NBN: variants seen among roughly 807,000 people sequenced by gnomAD.
NBN encodes Nijmegen breakage syndrome 1 (nibrin).
Under a neutral mutation model 90.8 loss-of-function variants are expected in NBN, and 88 were observed. The observed-to-expected ratio is 0.97, with a 90% CI of 0.82 to 1.16. NBN has a LOEUF of 1.16. Ranked by LOEUF, NBN falls within the 50% of genes most tolerant of loss-of-function variation. The pLI, the probability that NBN is intolerant of heterozygous loss-of-function variation, is 0.00. For missense variants in NBN, 894 were observed against 869.6 expected, an observed-to-expected ratio of 1.03 and a Z score of -0.35; for synonymous variants, 328 against 295.1, an observed-to-expected ratio of 1.11 and a Z score of -1.14.
chr8:89,954,998 C>A (rs1005939033), intron 10 of NBN, among the ~76,000 whole-genome samples: 1 of 151,998 alleles, frequency 6.6e-6, no homozygotes, highest in Non-Finnish European at 1.5e-5. Context: ...GGAAAACCAG[C>A]AGAAATGTGA....
intron 14 of NBN, among the ~76,000 whole-genome samples, chr8:89,941,509 G>C (rs1048774739): frequency 2.6e-5 from 4 of 152,128 alleles, no homozygotes; most frequent in Non-Finnish European, 1.5e-5. Context: ...CTTAATATTA[G>C]ACAGATCTCA....
chr8:89,971,345 A>C, intron 5 of NBN, 55 bp from the exon 6 acceptor site: 2 of 1,543,810 alleles, frequency 1.3e-6, no homozygotes, highest in Admixed American at 3.4e-5. Flanking sequence ...TTGCTATTAA[A>C]TTGTAAACGG....
At chr8:89,939,863 T>C (rs755550562) in intron 14 of NBN, among the ~76,000 whole-genome samples, 21 of 152,144 alleles carry the variant, frequency 1.4e-4, no homozygotes, top group Non-Finnish European at 2.9e-4. Context: ...GGTTATTCTC[T>C]TTTATATAGG....
intron 8 of NBN, among the ~76,000 whole-genome samples, chr8:89,961,009 G>C (rs1409370270): frequency 6.6e-6 from 1 of 152,122 alleles, no homozygotes; most frequent in Admixed American, 6.6e-5. Context: ...TACATACAGT[G>C]TACTTTTTAA....
In NBN at chr8:89,955,404, T is replaced by C. The variant is rs1810659594; in HGVS notation, c.1276A>G (p.Ile426Val). 2 of 1,613,896 alleles carry C rather than the reference T, an allele frequency of 1.2e-6. No homozygotes were observed. Among genetic ancestry groups the C allele is most frequent in the Non-Finnish European group, 1.7e-6 (2 of 1,179,824 alleles). The stretch of plus-strand genomic sequence containing the variant: ...GTTGGTGAAAGCTGATAGTTTGGGA[T>C]TCTCATCTTAGCCAAAGTATTTGAT... ...MVSNTLAKMR[I>V]PNYQLSPTKL... Residue 426 changes from isoleucine (I) to valine (V), a missense_variant, in exon 10 of 16, where the codon ATC (isoleucine) becomes GTC (valine). By Grantham distance (29) the Ile-to-Val change is conservative. Coordinates refer to ENST00000265433, the MANE Select transcript of NBN (RefSeq NM_002485.5).
chr8:89,966,465 A>C (rs948337347), intron 7 of NBN, among the ~76,000 whole-genome samples: 1 of 152,224 alleles, frequency 6.6e-6, no homozygotes, highest in African/African-American at 2.4e-5. Flanking sequence ...ATATCAGAGA[A>C]TATGTACTAG....
chr8:89,980,944 T>C (rs1390326004), intron 3 of NBN, 51 bp from the exon 4 acceptor site: 10 of 1,541,682 alleles, frequency 6.5e-6, no homozygotes, highest in Non-Finnish European at 8.9e-6. Context: ...GTTGCAGAGA[T>C]GGCAATTTTT....
intron 5 of NBN, among the ~76,000 whole-genome samples, chr8:89,976,149 A>AC (rs1586096965): frequency 6.6e-6 from 1 of 152,036 alleles, no homozygotes; most frequent in East Asian, 1.9e-4. Context: ...CTGCCACCAC[A>AC]CCCAGCTAAT....
At chr8:89,936,430 A>G (rs1266891503) in intron 15 of NBN, among the ~76,000 whole-genome samples, 1 of 152,156 alleles carries the variant, frequency 6.6e-6, no homozygotes, top group African/African-American at 2.4e-5. Flanking sequence ...TTGGCTGCAA[A>G]ACAGACTCAA....
At chr8:89,949,569 A>T (rs1232710796) in intron 11 of NBN, among the ~76,000 whole-genome samples, 1 of 152,216 alleles carries the variant, frequency 6.6e-6, no homozygotes, top group African/African-American at 2.4e-5. Context: ...ACTCAGGCAC[A>T]GCTATCATTC....
chr8:89,965,256 GGTATATCTATACAT>G (rs1393759138), intron 7 of NBN, among the ~76,000 whole-genome samples: 2 of 152,028 alleles, frequency 1.3e-5, no homozygotes, highest in Non-Finnish European at 2.9e-5. Context: ...CTATACCTAA[GGTATATCTATACAT>G]GTGTTACAAC....
At chr8:89,938,714 T>G (rs1481446803) in intron 14 of NBN, among the ~76,000 whole-genome samples, 1 of 152,178 alleles carries the variant, frequency 6.6e-6, no homozygotes. Context: ...AAGAGTGACT[T>G]GCAGGGATTC....
At chr8:89,963,575 A>T (rs992756460) in intron 8 of NBN, among the ~76,000 whole-genome samples, 2 of 152,210 alleles carry the variant, frequency 1.3e-5, no homozygotes, top group African/African-American at 2.4e-5. Context: ...AAATTTTTTT[A>T]AAAACTATGG....
intron 11 of NBN, among the ~76,000 whole-genome samples, chr8:89,951,476 C>T (rs1161374112): frequency 6.6e-6 from 1 of 152,118 alleles, no homozygotes; most frequent in Non-Finnish European, 1.5e-5. Context: ...TAAACACTTA[C>T]ATGTAATATT....
At position 89,982,853 on chromosome 8, in the gene NBN, C is replaced by T. The variant is rs745439506; in HGVS notation, c.40G>A (p.Glu14Lys). 1 of 1,613,174 alleles carries T rather than the reference C, an allele frequency of 6.2e-7. No individual in the cohort carries two copies. The highest frequency in any genetic ancestry group is 2.2e-5 in the East Asian group (1 of 44,838). ...ACGCCAGTCAAAAGTCTGTATGGTT[C>T]TCCTGAGATAAATTTTTTTTTAAAA... ...LLPAAGPAGG[E>K]PYRLLTGVEY... The change falls in exon 2 of 16, where the codon GAA (glutamate) becomes AAA (lysine). Residue 14 changes from glutamate (E) to lysine (K), a missense_variant and splice_region_variant. Glu to Lys is a moderately conservative substitution (Grantham distance 56). Transcript: ENST00000265433.
chr8:89,968,026 G>A (rs1233811226), intron 7 of NBN, among the ~76,000 whole-genome samples: 1 of 152,210 alleles, frequency 6.6e-6, no homozygotes, highest in Non-Finnish European at 1.5e-5. Context: ...GGGAGGCTGA[G>A]GCAGGCAGAT....
intron 3 of NBN, 141 bp downstream of exon 3, chr8:89,981,234 C>G: frequency 1.1e-6 from 1 of 896,670 alleles, no homozygotes; most frequent in Non-Finnish European, 1.7e-6. Context: ...GCACTCACCA[C>G]CCATGGCACA....
intron 2 of NBN, among the ~76,000 whole-genome samples, chr8:89,982,208 ATAAG>A (rs1476516156): frequency 6.6e-6 from 1 of 152,180 alleles, no homozygotes; most frequent in African/African-American, 2.4e-5. Flanking sequence ...GCTGTGGGGC[ATAAG>A]TAAGCATTTC....
Position 89,953,663 on chromosome 8 carries a change from A to C in NBN, c.1426T>G (p.Ser476Ala). ...TCTATTCTTGCTGATTTGCATGAAG[A>C]CATTTCTTGATTTTCTTCATCCCTT... ...RERDEENQEMSSCKSARIETS... is the reference protein window; with the variant it reads ...RERDEENQEMASCKSARIETS... The change falls in exon 11 of 16, where the codon TCT (serine) becomes GCT (alanine). Residue 476 changes from serine to alanine, a missense_variant. By Grantham distance (99) the Ser-to-Ala change is moderately conservative. Transcript: ENST00000265433. The C allele has an allele frequency of 6.2e-7, 1 of 1,612,042 alleles. No individual in the cohort carries two copies. Among genetic ancestry groups the C allele is most frequent in the Non-Finnish European group, 8.5e-7 (1 of 1,179,398 alleles).
Sources: gnomAD v4.1 joint callset for allele counts (sites outside exome capture counted in the v4.1 genomes callset) on GRCh38, gnomAD v4.1.1 for gene constraint, MANE v1.5 for transcripts, NCBI Gene and HGNC (gene_info 2026-07-23, HGNC 2026-07-21) for gene names.